Variants in CELF2 observed in about 807,000 individuals in gnomAD.
CELF2 encodes CUGBP Elav-like family member 2, also known as CUG triplet repeat RNA-binding protein 2.
CELF2 carries 8 observed loss-of-function variants against 62.6 expected under a neutral mutation model. The observed-to-expected ratio is 0.13, with a 90% confidence interval of 0.07 to 0.23. The LOEUF is 0.23. Ranked by LOEUF, CELF2 falls within the 10% of genes least tolerant of loss-of-function variation. The pLI, the probability that CELF2 is intolerant of heterozygous loss-of-function variation, is 1.00. For missense variants in CELF2, 333 were observed against 671.0 expected, an observed-to-expected ratio of 0.50 and a Z score of 5.56; for synonymous variants, 258 against 250.0, an observed-to-expected ratio of 1.03 and a Z score of -0.30.
chr10:10,473,750 G>C, the CELF2 span, among the ~76,000 whole-genome samples: 1 of 151,940 alleles, frequency 6.6e-6, no homozygotes, highest in African/African-American at 2.4e-5. Flanking sequence ...AAAAAGTGAG[G>C]CTTAATTGTA....
chr10:10,602,703 TA>T, the CELF2 span, among the ~76,000 whole-genome samples: 1 of 152,120 alleles, frequency 6.6e-6, no homozygotes, highest in African/African-American at 2.4e-5. Flanking sequence ...ATCTATTTTT[TA>T]TCTACTTTTT....
chr10:10,572,581 C>T, the CELF2 span, among the ~76,000 whole-genome samples: 1 of 151,676 alleles, frequency 6.6e-6, no homozygotes, highest in Non-Finnish European at 1.5e-5. Context: ...TTGTTCAGCT[C>T]CCACTTATAA....
intron 1 of CELF2, among the ~76,000 whole-genome samples, chr10:11,092,548 G>A (rs775276410): frequency 9.2e-5 from 14 of 152,206 alleles, no homozygotes; most frequent in Non-Finnish European, 1.6e-4. Flanking sequence ...GGAGAACTGT[G>A]TTTTTAACAG....
intron 11 of CELF2, 41 bp from the exon 12 acceptor site, chr10:11,325,795 C>G: frequency 6.4e-7 from 1 of 1,571,610 alleles, no homozygotes; most frequent in Non-Finnish European, 8.6e-7. Flanking sequence ...GAAACTAAGA[C>G]TCAAGGGATA....
chr10:10,861,268 C>A (rs2060034102), intron 1 of CELF2, among the ~76,000 whole-genome samples: 1 of 152,010 alleles, frequency 6.6e-6, no homozygotes, highest in Non-Finnish European at 1.5e-5. Context: ...GAGATGGAAT[C>A]TCACTGTATT....
intron 3 of CELF2, among the ~76,000 whole-genome samples, chr10:11,236,870 T>C (rs1002492325): frequency 6.6e-6 from 1 of 152,202 alleles, no homozygotes; most frequent in African/African-American, 2.4e-5. Context: ...GTTCATGGAA[T>C]AGGGGGTTGC....
Position 11,165,847 on chromosome 10 carries a change from C to G in CELF2, c.271+165C>G, listed in dbSNP as rs1239070324. Among the ~76,000 whole-genome samples, 6 of 152,180 alleles carry G rather than the reference C, an allele frequency of 3.9e-5. No individual in the cohort carries two copies. Among genetic ancestry groups the G allele is most frequent in the African/African-American group, 1.4e-4 (6 of 41,442 alleles). The stretch of plus-strand genomic sequence containing the variant: ...TCCAGGGGCTGCTCCCGACTCCTCC[C>G]CGCACCCCCGCCCGCCTGCCCGCCG... On this transcript the variant is annotated intron_variant, in intron 2 of 12. Coordinates refer to ENST00000633077, the MANE Select transcript of CELF2 (RefSeq NM_001326342.2). The surrounding 1 kb of genome is among the most constrained non-coding windows in gnomAD (Gnocchi z 7.4).
At position 10,817,801 on chromosome 10, in the gene CELF2, A is replaced by G. The variant is rs568546279; in HGVS notation, c.53+18984A>G. Among the ~76,000 whole-genome samples, 22 of 152,334 alleles carry G rather than the reference A, an allele frequency of 1.4e-4. No individual in the cohort carries two copies. The South Asian group carries it at 4.3e-3, about 30-fold the overall frequency. ...CAAACATAGAAGCAATAACATCATT[A>G]TGTCGTAAAGTAATAAGGTTACTGA... On this transcript the variant is annotated intron_variant, in intron 1 of 13. Transcript: ENST00000636488.
At chr10:11,084,733 C>T (rs184736732) in intron 1 of CELF2, among the ~76,000 whole-genome samples, 4 of 150,862 alleles carry the variant, frequency 2.7e-5, no homozygotes, top group Admixed American at 2.0e-4. Flanking sequence ...AGTAAAAGTC[C>T]CTAGGAAAGA....
intron 3 of CELF2, among the ~76,000 whole-genome samples, chr10:11,238,402 C>T (rs562721372): frequency 4.6e-5 from 7 of 152,170 alleles, no homozygotes; most frequent in South Asian, 4.1e-4. Context: ...GTTTTATACC[C>T]TCTAGTTTCT....
chr10:10,674,890 C>G, the CELF2 span, among the ~76,000 whole-genome samples: 1 of 152,080 alleles, frequency 6.6e-6, no homozygotes, highest in Non-Finnish European at 1.5e-5. Flanking sequence ...TTCTCCCATC[C>G]CTTGTACCAT....
At chr10:10,520,390 C>T in the CELF2 span, among the ~76,000 whole-genome samples, 1 of 152,154 alleles carries the variant, frequency 6.6e-6, no homozygotes, top group Non-Finnish European at 1.5e-5. Context: ...GGTAGGTAGA[C>T]TTTCCAGAAA....
chr10:11,165,114 A>G lies in CELF2; in HGVS notation c.75-372A>G. 9.9e-7 allele frequency: 1 copy of G among 1,009,028 alleles called. No homozygotes were observed. Among genetic ancestry groups the G allele is most frequent in the Non-Finnish European group, 1.2e-6 (1 of 844,638 alleles). The allele number at this position is 1,009,028 out of a possible 1,614,324, so 62.5% of individuals were successfully genotyped here. On this transcript the variant is annotated intron_variant, in intron 1 of 12. Transcript: ENST00000633077. This position sits in a 1 kb window ranked among gnomAD's most constrained non-coding sequence, Gnocchi z 7.4. Reference sequence around the variant, plus strand: ...AGCTCTGCCTTTCTTTCCCAGCCACAGCCAGGGTAGGGCTGATAAGGCGCT... The same window carrying G: ...AGCTCTGCCTTTCTTTCCCAGCCACGGCCAGGGTAGGGCTGATAAGGCGCT...
the CELF2 span, among the ~76,000 whole-genome samples, chr10:10,487,666 T>A: frequency 6.6e-6 from 1 of 152,168 alleles, no homozygotes; most frequent in Non-Finnish European, 1.5e-5. Context: ...TTTGAGAAGA[T>A]GTTGAAATTA....
At chr10:11,105,242 G>C (rs1425460563) in intron 1 of CELF2, among the ~76,000 whole-genome samples, 3 of 152,196 alleles carry the variant, frequency 2.0e-5, no homozygotes, top group Non-Finnish European at 4.4e-5. Flanking sequence ...GAGCCAGCCT[G>C]GCTGGGTTTG....
chr10:11,127,293 T>C (rs962175098), intron 1 of CELF2, among the ~76,000 whole-genome samples: 5 of 152,188 alleles, frequency 3.3e-5, no homozygotes, highest in African/African-American at 1.2e-4. Context: ...CAGTCTATCA[T>C]TGATGGAGAT....
the CELF2 span, among the ~76,000 whole-genome samples, chr10:10,555,225 A>G: frequency 6.6e-6 from 1 of 152,116 alleles, no homozygotes; most frequent in Non-Finnish European, 1.5e-5. Flanking sequence ...GGAAAATCTT[A>G]AGAGGAATCA....
Position 11,257,862 on chromosome 10 carries a change from G to A in CELF2, c.528G>A (p.Gly176=). The A allele has an allele frequency of 6.2e-7, 1 of 1,614,172 alleles. No individual in the cohort carries two copies. The highest frequency in any genetic ancestry group is 1.1e-5 in the South Asian group (1 of 91,078). The change falls in exon 5 of 13, where the codon GGG becomes GGA. Residue 176 remains glycine (G), a synonymous_variant. Transcript: ENST00000633077. The stretch of plus-strand genomic sequence containing the variant: ...GCCGGATCCTCCGGGGACCTGATGG[G>A]CTGAGTCGAGGTGAGTGTGCTGTCT... The part of the protein sequence containing the change: ...EECRILRGPD[G]LSRGCAFVTF...
the CELF2 span, among the ~76,000 whole-genome samples, chr10:10,604,742 C>T: frequency 6.6e-6 from 1 of 152,314 alleles, no homozygotes; most frequent in Admixed American, 6.5e-5. Context: ...ATTATTAATA[C>T]AAACATTTTG....
Sources: gnomAD v4.1 joint callset for allele counts (sites outside exome capture counted in the v4.1 genomes callset) on GRCh38, gnomAD v4.1.1 for gene constraint, Gnocchi (gnomAD v3.1) non-coding constraint, MANE v1.5 for transcripts, NCBI Gene and HGNC (gene_info 2026-07-23, HGNC 2026-07-21) for gene names.